RANBP17: variants seen among roughly 807,000 people sequenced by gnomAD.
The protein encoded by RANBP17 is ran-binding protein 17.
A neutral mutation model predicts 141.2 loss-of-function variants in RANBP17; 158 were observed. That is an observed-to-expected ratio of 1.12 (90% CI 0.98 to 1.28). The LOEUF (loss-of-function observed/expected upper bound fraction) is 1.28. Ranked by LOEUF, RANBP17 falls within the 50% of genes most tolerant of loss-of-function variation. RANBP17 has a pLI of 0.00. For missense variants in RANBP17, 1,438 were observed against 1,290.7 expected, an observed-to-expected ratio of 1.11 and a Z score of -1.75; for synonymous variants, 430 against 450.0, an observed-to-expected ratio of 0.96 and a Z score of 0.56.
At chr5:170,926,560 T>A (rs1357829920) in intron 12 of RANBP17, among the ~76,000 whole-genome samples, 2 of 152,164 alleles carry the variant, frequency 1.3e-5, no homozygotes, top group Non-Finnish European at 2.9e-5. Context: ...ATTTAGGTTT[T>A]TGAATTGTAA....
Position 171,228,000 on chromosome 5 carries a change from G to C in RANBP17, c.2422+6160G>C, listed in dbSNP as rs1243508754. Among the ~76,000 whole-genome samples the C allele has an allele frequency of 2.0e-5, 3 of 152,184 alleles. No individual in the cohort carries two copies. The East Asian group carries it at 5.8e-4, about 29-fold the overall frequency. On this transcript the variant is annotated intron_variant, in intron 22 of 27. Transcript: ENST00000523189. ...GTGCACCTCGTCACCCAGGAGCTCT[G>C]ATGGAGATGTACAAGGAGATTAATG...
intron 14 of RANBP17, among the ~76,000 whole-genome samples, chr5:171,102,131 G>A (rs1374906182): frequency 3.9e-5 from 6 of 152,244 alleles, no homozygotes; most frequent in East Asian, 1.9e-4. Flanking sequence ...GAACTTGAAC[G>A]TTGGCCTGTC....
chr5:171,221,723 T>C (rs748828541), intron 21 of RANBP17, 35 bp from the exon 22 acceptor site: 27 of 1,296,494 alleles, frequency 2.1e-5, no homozygotes, highest in Non-Finnish European at 2.5e-5. Context: ...TTTCTTTATC[T>C]TCACATATAG....
At chr5:171,182,229 G>A (rs1760906586) in intron 16 of RANBP17, among the ~76,000 whole-genome samples, 6 of 152,334 alleles carry the variant, frequency 3.9e-5, no homozygotes, top group Admixed American at 2.6e-4. Flanking sequence ...AGGTATTAGG[G>A]AATGGCCGAG....
intron 24 of RANBP17, chr5:171,252,411 A>G (rs1765630830): frequency 1.3e-6 from 2 of 1,524,862 alleles, no homozygotes; most frequent in African/African-American, 1.4e-5. Context: ...AAGATTTTTT[A>G]GACCTGTCTG....
intron 20 of RANBP17, among the ~76,000 whole-genome samples, chr5:171,213,370 T>G (rs1763022949): frequency 6.6e-6 from 1 of 152,144 alleles, no homozygotes; most frequent in Non-Finnish European, 1.5e-5. Context: ...TTATACAGTA[T>G]TCTAAGAACA....
intron 14 of RANBP17, among the ~76,000 whole-genome samples, chr5:171,094,527 C>G (rs983882801): frequency 6.6e-6 from 1 of 151,974 alleles, no homozygotes; most frequent in Admixed American, 6.6e-5. Context: ...TTTGAGGATC[C>G]TCTTCGCAAT....
intron 3 of RANBP17, among the ~76,000 whole-genome samples, chr5:170,892,021 A>G (rs969636855): frequency 3.9e-5 from 6 of 151,998 alleles, no homozygotes; most frequent in African/African-American, 1.5e-4. Context: ...AAATAAACAT[A>G]TGTCTTGAGG....
intron 5 of RANBP17, among the ~76,000 whole-genome samples, chr5:170,905,400 A>AG (rs761597215): frequency 6.6e-4 from 101 of 152,306 alleles, no homozygotes; most frequent in Non-Finnish European, 7.4e-4. Flanking sequence ...TTGCATACCC[A>AG]GGATCACTTG....
At position 171,183,311 on chromosome 5, in the gene RANBP17, G is replaced by T. The variant is rs775246247; in HGVS notation, c.1930-11G>T. 2 of 1,608,292 alleles carry T rather than the reference G, an allele frequency of 1.2e-6. No individual in the cohort carries two copies. The highest frequency in any genetic ancestry group is 1.7e-6 in the Non-Finnish European group (2 of 1,174,870). On this transcript the variant is annotated splice_polypyrimidine_tract_variant and intron_variant, in intron 17 of 27. Coordinates refer to ENST00000523189, the MANE Select transcript of RANBP17 (RefSeq NM_022897.5). The stretch of plus-strand genomic sequence containing the variant: ...TGTTAGTAACTTGGATTACTCTTTT[G>T]CTTTCATTAGAGTGAACACTTCCCT...
At chr5:171,214,193 A>G (rs1488957790) in intron 21 of RANBP17, among the ~76,000 whole-genome samples, 1 of 152,184 alleles carries the variant, frequency 6.6e-6, no homozygotes, top group Non-Finnish European at 1.5e-5. Context: ...AGCTCTGGGA[A>G]TTATTCCTGC....
At chr5:171,145,939 T>C (rs1396903159) in intron 14 of RANBP17, among the ~76,000 whole-genome samples, 1 of 152,190 alleles carries the variant, frequency 6.6e-6, no homozygotes, top group Non-Finnish European at 1.5e-5. Flanking sequence ...TTGTGTGTAA[T>C]AGGCCCCAGG....
At chr5:171,091,023 C>T (rs574343205) in intron 14 of RANBP17, among the ~76,000 whole-genome samples, 1 of 152,186 alleles carries the variant, frequency 6.6e-6, no homozygotes, top group Non-Finnish European at 1.5e-5. Context: ...CCTTCTGGAA[C>T]ATTGCCTAGT....
chr5:170,973,662 A>G (rs547561604), intron 14 of RANBP17, among the ~76,000 whole-genome samples: 5 of 152,352 alleles, frequency 3.3e-5, no homozygotes, highest in East Asian at 1.9e-4. Flanking sequence ...AGAAATCACA[A>G]TGGCCAGTAA....
At chr5:170,873,249 C>G (rs1207913486) in intron 1 of RANBP17, among the ~76,000 whole-genome samples, 2 of 152,144 alleles carry the variant, frequency 1.3e-5, no homozygotes, top group African/African-American at 4.8e-5. Context: ...TTTGGTTTGC[C>G]AGTATTTTAT....
intron 18 of RANBP17, among the ~76,000 whole-genome samples, chr5:171,192,229 G>A (rs1761698532): frequency 1.3e-5 from 2 of 152,142 alleles, no homozygotes; most frequent in African/African-American, 4.8e-5. Flanking sequence ...AGACATGGGG[G>A]GATGGGGGAG....
At chr5:171,161,923 C>G (rs1372438968) in intron 14 of RANBP17, among the ~76,000 whole-genome samples, 1 of 152,218 alleles carries the variant, frequency 6.6e-6, no homozygotes. Context: ...CTTCCCAGTT[C>G]CCCACCTCTG....
At chr5:170,985,060 GAC>G (rs1179458601) in intron 14 of RANBP17, among the ~76,000 whole-genome samples, 27 of 143,088 alleles carry the variant, frequency 1.9e-4, no homozygotes. Flanking sequence ...GACACACACA[GAC>G]ACATATACAC....
At chr5:171,247,470 A>G (rs1349687925) in intron 24 of RANBP17, among the ~76,000 whole-genome samples, 2 of 152,228 alleles carry the variant, frequency 1.3e-5, no homozygotes, top group Non-Finnish European at 2.9e-5. Flanking sequence ...GGCAGGTTTA[A>G]TTTCTATTGT....
Sources: gnomAD v4.1 joint callset for allele counts (sites outside exome capture counted in the v4.1 genomes callset) on GRCh38, gnomAD v4.1.1 for gene constraint, MANE v1.5 for transcripts, NCBI Gene and HGNC (gene_info 2026-07-23, HGNC 2026-07-21) for gene names.